The following PTPN14 variants were observed in gnomAD, a reference collection of about 807,000 sequenced individuals.
The protein encoded by PTPN14 is protein tyrosine phosphatase non-receptor type 14.
A neutral mutation model predicts 126.8 loss-of-function variants in PTPN14; 53 were observed. The observed-to-expected ratio is 0.42, with a 90% CI of 0.34 to 0.53. The LOEUF is 0.53. PTPN14 is among the 20% of genes least tolerant of loss of function. The probability of loss-of-function intolerance (pLI) is 0.08; values close to 1 mark genes in which losing one functional copy is unlikely to be tolerated. For missense variants in PTPN14, 1,257 were observed against 1,552.9 expected (o/e 0.81, Z 3.20); for synonymous variants, 630 against 599.3 (o/e 1.05, Z -0.75).
chr1:214,524,664 C>T (rs928801793), intron 1 of PTPN14, among the ~76,000 whole-genome samples: 4 of 151,832 alleles, frequency 2.6e-5, no homozygotes, highest in Non-Finnish European at 4.4e-5. Flanking sequence ...AAAAAAAAGG[C>T]GGGAGGGGGC....
intron 3 of PTPN14, among the ~76,000 whole-genome samples, chr1:214,423,182 T>C (rs1357623881): frequency 6.6e-6 from 1 of 151,898 alleles, no homozygotes; most frequent in Non-Finnish European, 1.5e-5. Flanking sequence ...CCAAACTAGC[T>C]GGACGTGATG....
In PTPN14 at chr1:214,445,779, C is replaced by G. The variant is rs577195199; in HGVS notation, c.344+6026G>C. 2.6e-5 allele frequency among the ~76,000 whole-genome samples: 4 copies of G among 152,240 alleles called. No individual in the cohort carries two copies. In the East Asian group the frequency reaches 7.7e-4, roughly 29 times the overall value. On this transcript the variant is annotated intron_variant, in intron 3 of 18. Transcript: ENST00000366956. ...TTGGCCAGCAATTTTCTGGCTTCCC[C>G]TTGCTATTATTAAGTATCCTTCTGT...
chr1:214,513,123 C>A (rs1655017540), intron 1 of PTPN14, among the ~76,000 whole-genome samples: 1 of 151,966 alleles, frequency 6.6e-6, no homozygotes, highest in South Asian at 2.1e-4. Flanking sequence ...GAAAAATGAT[C>A]TGGTCTGGGA....
chr1:214,459,877 A>T (rs971760453), intron 2 of PTPN14, among the ~76,000 whole-genome samples: 10 of 152,210 alleles, frequency 6.6e-5, no homozygotes, highest in Admixed American at 6.5e-4. Flanking sequence ...ACTTCACAGC[A>T]ATGTTTTATT....
intron 3 of PTPN14, among the ~76,000 whole-genome samples, chr1:214,428,470 T>A (rs1659719352): frequency 6.6e-6 from 1 of 152,240 alleles, no homozygotes; most frequent in Non-Finnish European, 1.5e-5. Context: ...ACATTTTATC[T>A]AATCATTTTA....
chr1:214,533,230 A>G lies in PTPN14; in HGVS notation c.-155+17953T>C, dbSNP rs2102472463. On this transcript the variant is annotated intron_variant, in intron 1 of 18. Transcript: ENST00000366956. ...GCACCTGGCGTCAGGGCTGGCCCAG[A>G]CCCAGGAAGAGGCGCAACACCAAGC... 3 of 659,468 alleles carry G rather than the reference A, an allele frequency of 4.5e-6. No individual in the cohort carries two copies. The South Asian group carries it at 4.6e-5, about 10-fold the overall frequency. 40.9% of individuals were successfully genotyped at this position (659,468 alleles called of 1,614,324 possible).
chr1:214,508,037 T>C (rs1258519053), intron 1 of PTPN14, among the ~76,000 whole-genome samples: 1 of 152,156 alleles, frequency 6.6e-6, no homozygotes, highest in Non-Finnish European at 1.5e-5. Context: ...CTAAGGATCA[T>C]CTAAGCCTTC....
intron 7 of PTPN14, among the ~76,000 whole-genome samples, chr1:214,398,270 T>C (rs1291755012): frequency 4.6e-5 from 7 of 152,112 alleles, no homozygotes; most frequent in Admixed American, 3.9e-4. Flanking sequence ...CACTTACACA[T>C]GGAATCTAAA....
chr1:214,458,545 C>T (rs1174364091), intron 2 of PTPN14, among the ~76,000 whole-genome samples: 2 of 152,124 alleles, frequency 1.3e-5, no homozygotes, highest in Non-Finnish European at 2.9e-5. Context: ...TCTGAATCCT[C>T]CCAACAATTT....
intron 5 of PTPN14, 143 bp from the exon 6 acceptor site, chr1:214,403,096 T>C (rs1659073725): frequency 5.3e-6 from 4 of 750,422 alleles, no homozygotes; most frequent in East Asian, 2.7e-5. Context: ...GAATTAAAGG[T>C]TGTAATTTTT....
chr1:214,392,680 C>T (rs1237018647), intron 10 of PTPN14, among the ~76,000 whole-genome samples: 2 of 152,268 alleles, frequency 1.3e-5, no homozygotes, highest in African/African-American at 2.4e-5. Context: ...TGCCACTCCC[C>T]GATCAGGCCT....
chr1:214,357,839 G>A lies in PTPN14; in HGVS notation c.*83C>T, dbSNP rs550180961. The A allele has an allele frequency of 9.2e-6, 12 of 1,309,212 alleles. No individual in the cohort carries two copies. The East Asian group carries it at 1.6e-4, about 18-fold the overall frequency. The allele number at this position is 1,309,212 out of a possible 1,614,324, so 81.1% of individuals were successfully genotyped here. A position where few individuals can be genotyped will look rare whatever the true frequency, so the allele number is the denominator to read the frequency against. On this transcript the variant is annotated 3_prime_UTR_variant, in exon 19 of 19. Coordinates refer to ENST00000366956, the MANE Select transcript of PTPN14 (RefSeq NM_005401.5). Reference sequence around the variant, plus strand: ...TGCTGCCAGCCACCTGCACCCCTGTGGGGGGAGCAGATGTTGTCTGGAGGT... The same window carrying A: ...TGCTGCCAGCCACCTGCACCCCTGTAGGGGGAGCAGATGTTGTCTGGAGGT...
intron 3 of PTPN14, among the ~76,000 whole-genome samples, chr1:214,421,673 G>A (rs978353440): frequency 6.6e-6 from 1 of 152,038 alleles, no homozygotes; most frequent in African/African-American, 2.4e-5. Flanking sequence ...GGCTCTTCAC[G>A]ATCCAGTCAA....
At chr1:214,534,839 A>C (rs753461152) in intron 1 of PTPN14, among the ~76,000 whole-genome samples, 15 of 152,180 alleles carry the variant, frequency 9.9e-5, no homozygotes, top group Non-Finnish European at 1.9e-4. Context: ...GATGAGTGGA[A>C]GTCCTCAACC....
chr1:214,481,039 G>A (rs1254885586), intron 1 of PTPN14, among the ~76,000 whole-genome samples: 3 of 152,064 alleles, frequency 2.0e-5, no homozygotes, highest in East Asian at 1.9e-4. Context: ...TCTACAAAAC[G>A]TGTCAAGTAA....
chr1:214,456,082 G>A (rs1660375648), intron 2 of PTPN14, among the ~76,000 whole-genome samples: 2 of 151,282 alleles, frequency 1.3e-5, no homozygotes, highest in Admixed American at 6.6e-5. Flanking sequence ...TATTTTTTGA[G>A]GGTTTTGTTT....
Position 214,364,522 on chromosome 1 carries a change from T to C in PTPN14, c.3425A>G (p.Glu1142Gly). The change falls in exon 18 of 19, where the codon GAA (glutamate) becomes GGA (glycine). Residue 1142 changes from glutamate (E) to glycine (G), a missense_variant. By Grantham distance (98) the Glu-to-Gly change is moderately conservative. Around this residue, in one of 3 missense-constraint regions of PTPN14, gnomAD observed 171 missense variants for 229.8 expected, o/e 0.74. Transcript: ENST00000366956. This position sits in a 1 kb window ranked among gnomAD's most constrained non-coding sequence, Gnocchi z 4.1. ...ILSELMIYCL[E>G]HNEKVEVPMM... ...CCCAGAATGACTCACTTCGTTATGT[T>C]CCAAGCAGTAGATCATCAGCTCAGA... The C allele has an allele frequency of 6.2e-7, 1 of 1,613,882 alleles. No homozygotes were observed. The highest frequency in any genetic ancestry group is 8.5e-7 in the Non-Finnish European group (1 of 1,179,956).
intron 6 of PTPN14, among the ~76,000 whole-genome samples, chr1:214,402,437 C>CAAAAAAAAAAAAAAAAAAAAAAAAAAAA (rs1165595746): frequency 4.2e-5 from 2 of 48,164 alleles, no homozygotes; most frequent in Non-Finnish European, 7.6e-5. Flanking sequence ...GAGACTCTGT[C>CAAAAAAAAAAAAAAAAAAAAAAAAAAAA]AAAAAAAAAA....
chr1:214,430,395 A>C (rs1179448383), intron 3 of PTPN14, among the ~76,000 whole-genome samples: 1 of 152,196 alleles, frequency 6.6e-6, no homozygotes, highest in Non-Finnish European at 1.5e-5. Context: ...TTTATGTGTC[A>C]ATTTGGCTAG....
Sources: gnomAD v4.1 joint callset for allele counts (sites outside exome capture counted in the v4.1 genomes callset) on GRCh38, gnomAD v4.1.1 for gene constraint, gnomAD v4.1.1 regional missense constraint, Gnocchi (gnomAD v3.1) non-coding constraint, MANE v1.5 for transcripts, NCBI Gene and HGNC (gene_info 2026-07-23, HGNC 2026-07-21) for gene names.